Variants in DLGAP2 observed in about 807,000 individuals in gnomAD.
DLGAP2 encodes the protein disks large-associated protein 2.
Under a neutral mutation model 100.3 loss-of-function variants are expected in DLGAP2, and 26 were observed. That is an observed-to-expected ratio of 0.26 (90% CI 0.19 to 0.36). The LOEUF is 0.36. Among genes scored for constraint, DLGAP2 ranks in the 10% least tolerant of loss-of-function variants. The pLI, the probability that DLGAP2 is intolerant of heterozygous loss-of-function variation, is 1.00. For synonymous variants in DLGAP2, 886 were observed against 630.1 expected (o/e 1.41, Z -6.08); for missense variants, 1,858 against 1,453.2 (o/e 1.28, Z -4.53).
chr8:1,213,255 A>C (rs990181069), intron 2 of DLGAP2, among the ~76,000 whole-genome samples: 3 of 152,198 alleles, frequency 2.0e-5, no homozygotes, highest in African/African-American at 4.8e-5. Flanking sequence ...AGTCAACAAC[A>C]GGCTTCAGGA....
chr8:1,303,565 A>G (rs1368749489), intron 3 of DLGAP2, among the ~76,000 whole-genome samples: 1 of 152,014 alleles, frequency 6.6e-6, no homozygotes, highest in Non-Finnish European at 1.5e-5. Context: ...TTAATGCGTT[A>G]TTTATTTTAT....
At chr8:1,214,538 C>G (rs1460576768) in intron 2 of DLGAP2, among the ~76,000 whole-genome samples, 1 of 152,232 alleles carries the variant, frequency 6.6e-6, no homozygotes, top group Non-Finnish European at 1.5e-5. Flanking sequence ...ACCCGGAAGT[C>G]AGATCCCAGG....
chr8:1,681,547 T>A (rs115230837), intron 12 of DLGAP2, among the ~76,000 whole-genome samples: 1,823 of 152,110 alleles, frequency 0.012, 38 homozygotes, highest in African/African-American at 0.039. Context: ...AGTCTCAGCT[T>A]CTCAGGAGGC....
At chr8:1,004,942 C>T (rs988839566) in intron 2 of DLGAP2, among the ~76,000 whole-genome samples, 1 of 152,180 alleles carries the variant, frequency 6.6e-6, no homozygotes, top group African/African-American at 2.4e-5. Context: ...AGGAAGGCTG[C>T]GTGGCAGCAG....
At chr8:1,011,153 G>A (rs188385586) in intron 2 of DLGAP2, among the ~76,000 whole-genome samples, 11 of 149,420 alleles carry the variant, frequency 7.4e-5, no homozygotes, top group African/African-American at 2.5e-4. Flanking sequence ...AGTGAGCTCT[G>A]GAATGAGGGG....
At chr8:1,147,821 G>A (rs906986592) in intron 2 of DLGAP2, among the ~76,000 whole-genome samples, 5 of 152,050 alleles carry the variant, frequency 3.3e-5, no homozygotes, top group African/African-American at 7.2e-5. Context: ...AATCATAAAT[G>A]AAATTTTGAT....
At chr8:1,203,926 C>A (rs1797936010) in intron 2 of DLGAP2, among the ~76,000 whole-genome samples, 1 of 97,134 alleles carries the variant, frequency 1.0e-5, no homozygotes, top group Non-Finnish European at 1.8e-5. Context: ...TGTGAGCCTG[C>A]CCCTGGGTGT....
intron 2 of DLGAP2, among the ~76,000 whole-genome samples, chr8:1,213,482 C>T (rs530847088): frequency 2.0e-5 from 3 of 152,212 alleles, no homozygotes; most frequent in African/African-American, 7.2e-5. Context: ...CCATATTGCT[C>T]ACATTATAAT....
At chr8:1,440,144 A>G (rs1472804607) in intron 3 of DLGAP2, among the ~76,000 whole-genome samples, 1 of 152,180 alleles carries the variant, frequency 6.6e-6, no homozygotes, top group Non-Finnish European at 1.5e-5. Flanking sequence ...AAGAAGAAAA[A>G]AAGGAAGTCT....
intron 2 of DLGAP2, among the ~76,000 whole-genome samples, chr8:1,180,698 G>A (rs1158694723): frequency 4.0e-5 from 6 of 151,226 alleles, no homozygotes; most frequent in Admixed American, 6.6e-5. Flanking sequence ...AATTACCGTC[G>A]AGTGTGTGTG....
At chr8:995,939 G>A (rs1297484852) in intron 2 of DLGAP2, among the ~76,000 whole-genome samples, 1 of 152,146 alleles carries the variant, frequency 6.6e-6, no homozygotes, top group Non-Finnish European at 1.5e-5. Flanking sequence ...TTCTTTGGCT[G>A]TAGTGCAGGC....
chr8:1,361,055 C>A (rs1801972039), intron 3 of DLGAP2, among the ~76,000 whole-genome samples: 1 of 152,220 alleles, frequency 6.6e-6, no homozygotes, highest in Non-Finnish European at 1.5e-5. Flanking sequence ...TCCTTTTAAG[C>A]TTTGTGTGGG....
rs766653333 is a variant in DLGAP2 at position 1,549,603 on chromosome 8, C to T, written c.1150C>T (p.Arg384Cys). ...LTVSQAKEAY[R>C]KSSLNLDKPL... ...GGTCAGCCAGGCCAAGGAGGCCTAC[C>T]GCAAGAGCTCGCTGAACCTGGACAA... Residue 384 changes from arginine to cysteine, a missense_variant, in exon 5 of 15, where the codon CGC (arginine) becomes TGC (cysteine). Arg to Cys is a radical substitution (Grantham distance 180, BLOSUM62 -3). Coordinates refer to ENST00000637795, the MANE Select transcript of DLGAP2 (RefSeq NM_001346810.2). 32 of 1,597,386 alleles carry T rather than the reference C, an allele frequency of 2.0e-5. No individual in the cohort carries two copies. In the Admixed American group the frequency reaches 5.1e-4, roughly 25 times the overall value.
At chr8:994,274 C>G (rs1800722463) in intron 2 of DLGAP2, among the ~76,000 whole-genome samples, 1 of 152,130 alleles carries the variant, frequency 6.6e-6, no homozygotes, top group Non-Finnish European at 1.5e-5. Flanking sequence ...GATCTCGGCT[C>G]ACTGCAACCT....
intron 3 of DLGAP2, among the ~76,000 whole-genome samples, chr8:1,465,483 C>G (rs554320897): frequency 2.0e-4 from 31 of 152,112 alleles, no homozygotes; most frequent in South Asian, 6.2e-4. Context: ...TCCCAGAACT[C>G]TGGGAAGCAC....
At chr8:1,180,492 C>G (rs1369823590) in intron 2 of DLGAP2, among the ~76,000 whole-genome samples, 1 of 152,256 alleles carries the variant, frequency 6.6e-6, no homozygotes, top group Non-Finnish European at 1.5e-5. Context: ...CCGTGCCCAG[C>G]TCTTAGTCTT....
chr8:851,209 C>T (rs558697672), intron 1 of DLGAP2, among the ~76,000 whole-genome samples: 52 of 152,314 alleles, frequency 3.4e-4, no homozygotes, highest in South Asian at 4.1e-4. Flanking sequence ...GTGTGCAGCC[C>T]GGGAGCTGTG....
rs554413580 is a variant in DLGAP2, at chr8:1,098,418, G to C, written c.74-160433G>C. 6.2e-4 allele frequency among the ~76,000 whole-genome samples: 94 copies of C among 152,284 alleles called. 1 individual carries two copies. The highest frequency in any genetic ancestry group is 2.1e-3 in the African/African-American group (89 of 41,578). On this transcript the variant is annotated intron_variant, in intron 2 of 14. Transcript: ENST00000637795. Reference sequence around the variant, plus strand: ...CGACGTGTGACTGGCTCCTCCTCACGAGGGCCTCCCGGGCAGGTTTGCTTT... The same window carrying C: ...CGACGTGTGACTGGCTCCTCCTCACCAGGGCCTCCCGGGCAGGTTTGCTTT...
intron 3 of DLGAP2, among the ~76,000 whole-genome samples, chr8:1,429,148 C>T (rs1389408149): frequency 6.6e-6 from 1 of 152,124 alleles, no homozygotes; most frequent in Non-Finnish European, 1.5e-5. Context: ...TTTGAAAAAT[C>T]CCTACTTAGA....
Sources: allele counts gnomAD v4.1 joint callset (sites outside exome capture counted in the v4.1 genomes callset), GRCh38; gene constraint gnomAD v4.1.1; transcripts MANE v1.5; gene names NCBI Gene and HGNC (gene_info 2026-07-23, HGNC 2026-07-21).